Variants in SCAF8 observed in about 807,000 individuals in gnomAD.
SCAF8 encodes the protein SR-related CTD associated factor 8.
In SCAF8, 23 loss-of-function variants were observed where a neutral mutation model predicts 140.5. That is an observed-to-expected ratio of 0.16 (90% CI 0.12 to 0.23). SCAF8 has a LOEUF of 0.23. Among genes scored for constraint, SCAF8 ranks in the 10% least tolerant of loss-of-function variants. The pLI, the probability that SCAF8 is intolerant of heterozygous loss-of-function variation, is 1.00. For missense variants in SCAF8, 1,397 were observed against 1,555.7 expected (o/e 0.90, Z 1.72); for synonymous variants, 575 against 528.9 (o/e 1.09, Z -1.20).
intron 1 of SCAF8, among the ~76,000 whole-genome samples, chr6:154,766,272 G>A (rs1776562745): frequency 6.6e-6 from 1 of 152,086 alleles, no homozygotes; most frequent in African/African-American, 2.4e-5. Context: ...GGAGGCAGGA[G>A]AGGCAGACAC....
At chr6:154,783,630 A>G (rs988503375) in intron 3 of SCAF8, among the ~76,000 whole-genome samples, 7 of 152,214 alleles carry the variant, frequency 4.6e-5, no homozygotes, top group Non-Finnish European at 1.0e-4. Context: ...TTTGTTTTCT[A>G]GAAAGTTGAT....
chr6:154,786,055 A>G (rs989392805), intron 3 of SCAF8, among the ~76,000 whole-genome samples: 1 of 152,344 alleles, frequency 6.6e-6, no homozygotes, highest in Admixed American at 6.5e-5. Context: ...AGACAGGAGA[A>G]TTGCAATGGA....
intron 3 of SCAF8, among the ~76,000 whole-genome samples, chr6:154,785,831 C>T (rs1485621191): frequency 6.6e-6 from 1 of 152,134 alleles, no homozygotes; most frequent in Non-Finnish European, 1.5e-5. Context: ...GGTGCATTCT[C>T]CCTATTCGTT....
At chr6:154,819,698 A>G (rs538537342) in intron 14 of SCAF8, among the ~76,000 whole-genome samples, 6 of 152,328 alleles carry the variant, frequency 3.9e-5, no homozygotes, top group Middle Eastern at 3.4e-3. Context: ...TATTAGAGTT[A>G]CAAAAAGAAG....
intron 16 of SCAF8, 96 bp downstream of exon 16, chr6:154,822,505 A>G: frequency 8.0e-7 from 1 of 1,246,832 alleles, no homozygotes; most frequent in Non-Finnish European, 1.1e-6. Flanking sequence ...GAAAATCTCC[A>G]TATTAGAATA....
At chr6:154,751,862 G>T (rs756631715) in intron 1 of SCAF8, among the ~76,000 whole-genome samples, 7 of 152,110 alleles carry the variant, frequency 4.6e-5, no homozygotes, top group Non-Finnish European at 8.8e-5. Flanking sequence ...CCTCCTCGTA[G>T]AACAGGATGC....
intron 1 of SCAF8, among the ~76,000 whole-genome samples, chr6:154,763,251 T>C (rs9322477): frequency 0.42 from 64,200 of 151,982 alleles, 14,547 homozygotes; most frequent in East Asian, 0.9. Flanking sequence ...AAGAAAAATA[T>C]CTGGTTAGCA....
chr6:154,796,393 G>GTCTGTC (rs1357675861), intron 6 of SCAF8, among the ~76,000 whole-genome samples: 2 of 80,144 alleles, frequency 2.5e-5, no homozygotes, highest in African/African-American at 1.2e-4. Context: ...CTCTCTCTCT[G>GTCTGTC]TCTCTCTCTT....
chr6:154,829,824 T>C (rs1440612133), intron 18 of SCAF8, among the ~76,000 whole-genome samples: 4 of 152,232 alleles, frequency 2.6e-5, no homozygotes, highest in Admixed American at 2.6e-4. Flanking sequence ...GGAGAATCAC[T>C]TGAACCCAGG....
intron 1 of SCAF8, among the ~76,000 whole-genome samples, chr6:154,766,515 T>G (rs113163534): frequency 1.6e-4 from 25 of 152,250 alleles, no homozygotes; most frequent in African/African-American, 2.6e-4. Flanking sequence ...CACTGCTTCT[T>G]CTGCTGCTTC....
chr6:154,831,805 G>C (rs1177866456), intron 19 of SCAF8, 134 bp from the exon 20 acceptor site: 5 of 507,304 alleles, frequency 9.9e-6, no homozygotes, highest in Non-Finnish European at 1.6e-5. Context: ...TGACATTTCT[G>C]TTTAACTTAA....
intron 1 of SCAF8, among the ~76,000 whole-genome samples, chr6:154,745,315 A>G (rs991610606): frequency 4.6e-5 from 7 of 152,200 alleles, no homozygotes; most frequent in African/African-American, 1.7e-4. Flanking sequence ...CTCTCAGCAC[A>G]CCATATCAGG....
At position 154,832,068 on chromosome 6, in the gene SCAF8, G is replaced by A. The variant is rs768955330; in HGVS notation, c.2489G>A (p.Arg830Gln). Residue 830 changes from arginine (R) to glutamine (Q), a missense_variant, in exon 20 of 20, where the codon CGG becomes CAG. Physicochemically the swap from Arg to Gln is conservative, Grantham distance 43. This residue lies in a region of SCAF8 where 930 missense variants were observed against 874.6 expected (regional missense o/e 1.06). Transcript: ENST00000367178. The part of the protein sequence containing the change: ...VSSNSEILGV[R>Q]PSNVSSSSGI... ...AGTAATTCTGAAATTCTTGGGGTCCGGCCATCTAATGTTTCCAGTAGTTCT... is the reference window on the plus strand; with the variant it reads ...AGTAATTCTGAAATTCTTGGGGTCCAGCCATCTAATGTTTCCAGTAGTTCT... 39 of 1,613,990 alleles carry A rather than the reference G, an allele frequency of 2.4e-5. No individual in the cohort carries two copies. Among genetic ancestry groups the A allele is most frequent in the Non-Finnish European group, 3.1e-5 (36 of 1,179,956 alleles).
In SCAF8 at chr6:154,733,718, C is replaced by T. The variant is rs1778325729; in HGVS notation, c.-183C>T. On this transcript the variant is annotated 5_prime_UTR_variant, in exon 1 of 20. Coordinates refer to ENST00000367178, the MANE Select transcript of SCAF8 (RefSeq NM_014892.5). ...AGCGGCCATGCCGGTGCCGCTCTGC[C>T]GCTGAGGGAGCCCTTCCCCGCCAGC... 5 of 1,322,108 alleles carry T rather than the reference C, an allele frequency of 3.8e-6. No homozygotes were observed. Among genetic ancestry groups the T allele is most frequent in the South Asian group, 2.0e-5 (1 of 48,934 alleles). The allele number at this position is 1,322,108 out of a possible 1,614,324, so 81.9% of individuals were successfully genotyped here.
chr6:154,781,473 A>T (rs1777083318), intron 3 of SCAF8, among the ~76,000 whole-genome samples: 1 of 152,224 alleles, frequency 6.6e-6, no homozygotes, highest in Non-Finnish European at 1.5e-5. Context: ...TTTTTCACAG[A>T]ATTAGAAAAA....
rs572737395 is a variant in SCAF8 at position 154,768,135 on chromosome 6, T to C, written c.31-5854T>C. Reference sequence around the variant, plus strand: ...GCAGTGACAGCTTCATGAATTTCCTTTTCTTTTTTGACAGTGGTCCTTATA... The same window carrying C: ...GCAGTGACAGCTTCATGAATTTCCTCTTCTTTTTTGACAGTGGTCCTTATA... On this transcript the variant is annotated intron_variant, in intron 1 of 19. Transcript: ENST00000367178. Among the ~76,000 whole-genome samples the C allele has an allele frequency of 2.0e-5, 3 of 152,318 alleles. No individual in the cohort carries two copies. The South Asian group carries it at 6.2e-4, about 32-fold the overall frequency.
chr6:154,771,331 G>T (rs1039240097), intron 1 of SCAF8, among the ~76,000 whole-genome samples: 1 of 152,168 alleles, frequency 6.6e-6, no homozygotes, highest in Non-Finnish European at 1.5e-5. Context: ...CTATTGGAGA[G>T]ACCCTGGTAG....
intron 3 of SCAF8, among the ~76,000 whole-genome samples, chr6:154,785,091 A>G (rs1219711237): frequency 1.3e-5 from 2 of 152,184 alleles, no homozygotes; most frequent in Admixed American, 1.3e-4. Flanking sequence ...AAATTTTTTA[A>G]TGTAATCCTA....
At chr6:154,776,763 G>C (rs140689572) in intron 2 of SCAF8, among the ~76,000 whole-genome samples, 1 of 152,152 alleles carries the variant, frequency 6.6e-6, no homozygotes, top group Non-Finnish European at 1.5e-5. Flanking sequence ...GTGAATATGA[G>C]TTCATGATGT....
Sources: allele counts gnomAD v4.1 joint callset (sites outside exome capture counted in the v4.1 genomes callset), GRCh38; gene constraint gnomAD v4.1.1; regional missense constraint gnomAD v4.1.1; transcripts MANE v1.5; gene names NCBI Gene and HGNC (gene_info 2026-07-23, HGNC 2026-07-21).